The following TMEFF1 variants were observed in gnomAD, a reference collection of about 807,000 sequenced individuals.
The protein encoded by TMEFF1 is transmembrane protein with EGF like and two follistatin like domains 1, also known as tomoregulin-1.
In TMEFF1, 20 loss-of-function variants were observed where a neutral mutation model predicts 47.5. The ratio of observed to expected loss-of-function variants is 0.42; its 90% CI spans 0.30 to 0.61. TMEFF1 has a LOEUF of 0.61. Among genes scored for constraint, TMEFF1 ranks in the 20% least tolerant of loss-of-function variants. The pLI is 0.19. For synonymous variants in TMEFF1, 162 were observed against 166.3 expected (o/e 0.97, Z 0.20); for missense variants, 411 against 471.1 (o/e 0.87, Z 1.18).
chr9:100,576,628 C>A lies in TMEFF1; in HGVS notation c.*28C>A. 6.4e-7 allele frequency: 1 copy of A among 1,569,848 alleles called. No individual in the cohort carries two copies. The highest frequency in any genetic ancestry group is 1.2e-5 in the South Asian group (1 of 84,402). ...TGATGACTTTTATATGTACACTGAC[C>A]ATGTGATGTACATTTATTATGTCTT... On this transcript the variant is annotated 3_prime_UTR_variant, in exon 10 of 10. Coordinates refer to ENST00000374879, the MANE Select transcript of TMEFF1 (RefSeq NM_003692.5).
At chr9:100,483,535 T>G (rs1837383492) in intron 1 of TMEFF1, among the ~76,000 whole-genome samples, 1 of 125,818 alleles carries the variant, frequency 7.9e-6, no homozygotes, top group Non-Finnish European at 1.8e-5. Flanking sequence ...AAACAAGGTG[T>G]GTCATTGTAT....
chr9:100,514,693 A>ACC (rs1564015008), intron 4 of TMEFF1, among the ~76,000 whole-genome samples: 1 of 107,074 alleles, frequency 9.3e-6, no homozygotes, highest in African/African-American at 3.7e-5. Context: ...TCTACCCCAA[A>ACC]AAAAAAAAAA....
chr9:100,482,098 A>T (rs553230759), intron 1 of TMEFF1, among the ~76,000 whole-genome samples: 10 of 151,248 alleles, frequency 6.6e-5, no homozygotes, highest in Admixed American at 3.9e-4. Context: ...TTTTTAAAAA[A>T]GTTACATTGG....
chr9:100,509,391 C>T (rs1311213288), intron 3 of TMEFF1, among the ~76,000 whole-genome samples: 4 of 152,146 alleles, frequency 2.6e-5, no homozygotes, highest in Non-Finnish European at 5.9e-5. Flanking sequence ...ACTTTCTTTG[C>T]ATGTCCTTTG....
At chr9:100,552,558 C>T (rs188656704) in intron 7 of TMEFF1, among the ~76,000 whole-genome samples, 18 of 152,202 alleles carry the variant, frequency 1.2e-4, no homozygotes, top group African/African-American at 4.3e-4. Flanking sequence ...ATTTGTGAGT[C>T]AGTCTTTGGA....
chr9:100,538,062 A>AT (rs879548790), intron 5 of TMEFF1, among the ~76,000 whole-genome samples: 57 of 147,908 alleles, frequency 3.9e-4, no homozygotes, highest in Admixed American at 8.1e-4. Flanking sequence ...AAGAAACAGA[A>AT]TTTTTTTTTT....
At position 100,548,413 on chromosome 9, in the gene TMEFF1, C is replaced by T. The variant is rs552375373; in HGVS notation, c.709+521C>T. ...GCCTTTAGCTTAAAATTCTTTTCACCCTTCTTGCTTTTTGTTATAGCTTAG... is the reference window on the plus strand; with the variant it reads ...GCCTTTAGCTTAAAATTCTTTTCACTCTTCTTGCTTTTTGTTATAGCTTAG... On this transcript the variant is annotated intron_variant, in intron 6 of 9. Coordinates refer to ENST00000374879, the MANE Select transcript of TMEFF1 (RefSeq NM_003692.5). Among the ~76,000 whole-genome samples the T allele has an allele frequency of 2.0e-5, 3 of 152,180 alleles. No homozygotes were observed. In the East Asian group the frequency reaches 5.8e-4, roughly 29 times the overall value.
chr9:100,569,977 ACT>A (rs1426117308), intron 8 of TMEFF1, among the ~76,000 whole-genome samples: 1 of 151,798 alleles, frequency 6.6e-6, no homozygotes, highest in Non-Finnish European at 1.5e-5. Flanking sequence ...CCACTATTCT[ACT>A]CTCTACTTCT....
chr9:100,514,694 A>ACC lies in TMEFF1; in HGVS notation c.463+1361_463+1362insCC, dbSNP rs1442904756. 5.5e-3 allele frequency among the ~76,000 whole-genome samples: 821 copies of ACC among 149,884 alleles called. 4 individuals are homozygous for ACC. Among genetic ancestry groups the ACC allele is most frequent in the African/African-American group, 0.018 (732 of 40,908 alleles). On this transcript the variant is annotated intron_variant, in intron 4 of 9. Transcript: ENST00000374879. The stretch of plus-strand genomic sequence containing the variant: ...AGTGAGACCCTGTCTCTACCCCAAA[A>ACC]AAAAAAAAAAAAACAAAAGGCCGGG...
intron 9 of TMEFF1, among the ~76,000 whole-genome samples, chr9:100,574,449 A>G (rs1168568608): frequency 6.6e-6 from 1 of 152,064 alleles, no homozygotes; most frequent in African/African-American, 2.4e-5. Flanking sequence ...CAGTGGCATG[A>G]TCTTGGATCA....
chr9:100,534,172 T>G (rs1209213830), intron 5 of TMEFF1, among the ~76,000 whole-genome samples: 1 of 152,164 alleles, frequency 6.6e-6, no homozygotes, highest in Non-Finnish European at 1.5e-5. Flanking sequence ...TGGTAGAGTT[T>G]CATGAAAAAT....
At chr9:100,556,590 C>A (rs999152410) in intron 7 of TMEFF1, among the ~76,000 whole-genome samples, 1 of 152,078 alleles carries the variant, frequency 6.6e-6, no homozygotes, top group African/African-American at 2.4e-5. Context: ...TAAAGAAAAT[C>A]TGATGGTATT....
chr9:100,519,611 CT>C (rs1363857944), intron 5 of TMEFF1, among the ~76,000 whole-genome samples: 13 of 109,434 alleles, frequency 1.2e-4, no homozygotes, highest in Non-Finnish European at 1.7e-4. Context: ...GGAATGTTAT[CT>C]TCTTTTTCCT....
intron 5 of TMEFF1, among the ~76,000 whole-genome samples, chr9:100,539,385 G>A (rs938922099): frequency 3.3e-5 from 5 of 152,140 alleles, no homozygotes; most frequent in African/African-American, 7.2e-5. Context: ...GTGGACCCTC[G>A]CGATGAGTGT....
At chr9:100,557,876 G>A (rs1327347388) in intron 7 of TMEFF1, among the ~76,000 whole-genome samples, 1 of 150,672 alleles carries the variant, frequency 6.6e-6, no homozygotes, top group African/African-American at 2.4e-5. Context: ...TGAGCATGTA[G>A]CTATGTCCAG....
chr9:100,563,180 T>G (rs1166893503), intron 8 of TMEFF1, among the ~76,000 whole-genome samples: 1 of 152,210 alleles, frequency 6.6e-6, no homozygotes, highest in African/African-American at 2.4e-5. Context: ...CTTGAACTCC[T>G]TAGCTCATTA....
intron 4 of TMEFF1, among the ~76,000 whole-genome samples, chr9:100,515,855 A>G (rs1022207985): frequency 2.6e-5 from 4 of 152,034 alleles, no homozygotes; most frequent in Non-Finnish European, 5.9e-5. Context: ...TTTCAAACCA[A>G]ATTCGAGGGA....
chr9:100,524,852 A>G (rs1838226747), intron 5 of TMEFF1, among the ~76,000 whole-genome samples: 1 of 152,048 alleles, frequency 6.6e-6, no homozygotes, highest in Non-Finnish European at 1.5e-5. Flanking sequence ...TCAACTTGTC[A>G]TTTACATTAG....
chr9:100,547,349 C>G (rs1554688419), intron 5 of TMEFF1, among the ~76,000 whole-genome samples: 2 of 152,132 alleles, frequency 1.3e-5, no homozygotes, highest in African/African-American at 2.4e-5. Context: ...GATCAGTAAA[C>G]TAAGACTTAG....
Sources: gnomAD v4.1 joint callset for allele counts (sites outside exome capture counted in the v4.1 genomes callset) on GRCh38, gnomAD v4.1.1 for gene constraint, MANE v1.5 for transcripts, NCBI Gene and HGNC (gene_info 2026-07-23, HGNC 2026-07-21) for gene names.